The following TTN variants were observed in gnomAD, a reference collection of about 807,000 sequenced individuals.
The protein encoded by TTN is connectin.
In TTN, 1,525 loss-of-function variants were observed where a neutral mutation model predicts 3,223.0. The ratio of observed to expected loss-of-function variants is 0.47; its 90% CI spans 0.45 to 0.49. The LOEUF (loss-of-function observed/expected upper bound fraction) is 0.49. Ranked by LOEUF, TTN falls within the 20% of genes least tolerant of loss-of-function variation. TTN has a pLI of 0.00. For missense variants in TTN, 40,786 were observed against 43,424.0 expected, an observed-to-expected ratio of 0.94 and a Z score of 5.40; for synonymous variants, 14,094 against 15,161.0, an observed-to-expected ratio of 0.93 and a Z score of 5.17.
intron 333 of TTN, 30 bp downstream of exon 333, chr2:178,553,884 G>A (rs1230936535): frequency 6.4e-7 from 1 of 1,567,190 alleles, no homozygotes; most frequent in Non-Finnish European, 8.6e-7. Flanking sequence ...AGAAGACACA[G>A]GTGAAGATGC....
chr2:178,577,255 C>T lies in TTN; in HGVS notation c.69080G>A (p.Gly23027Asp), dbSNP rs780975029. The T allele has an allele frequency of 1.2e-6, 2 of 1,612,812 alleles. No homozygotes were observed. Among genetic ancestry groups the T allele is most frequent in the Non-Finnish European group, 1.7e-6 (2 of 1,179,472 alleles). Residue 23027 changes from glycine to aspartate, a missense_variant, in exon 324 of 363, where the codon GGC (glycine) becomes GAC (aspartate). By Grantham distance (94) the Gly-to-Asp change is moderately conservative. Coordinates refer to ENST00000589042, the MANE Select transcript of TTN (RefSeq NM_001267550.2). ...EYTITATNPFGTKVEHVKVTV... is the reference protein window; with the variant it reads ...EYTITATNPFDTKVEHVKVTV... ...TACCTTCACATGTTCCACCTTCGTG[C>T]CAAAAGGATTGGTAGCAGTGATGGT...
rs2087115597 is a variant in TTN at position 178,756,708 on chromosome 2, C to T, written c.10768G>A (p.Glu3590Lys). 11 of 1,613,778 alleles carry T rather than the reference C, an allele frequency of 6.8e-6. No homozygotes were observed. In the South Asian group the frequency reaches 9.9e-5, roughly 14 times the overall value. The change falls in exon 46 of 363, where the codon GAG (glutamate) becomes AAG (lysine). Residue 3590 changes from glutamate to lysine, a missense_variant. Glu to Lys is a moderately conservative substitution (Grantham distance 56). Coordinates refer to ENST00000589042, the MANE Select transcript of TTN (RefSeq NM_001267550.2). Reference sequence around the variant, plus strand: ...ATTTCCTTTTGAGATATTTTGCTCTCCTCCTTTGTGAAAGAGGAATCTGCC... The same window carrying T: ...ATTTCCTTTTGAGATATTTTGCTCTTCTCCTTTGTGAAAGAGGAATCTGCC... ...AVADSSFTKE[E>K]SKISQKEIKS... is the part of the protein sequence containing the mutation.
Position 178,622,024 on chromosome 2 carries a change from A to G in TTN, c.44914-16T>C. On this transcript the variant is annotated splice_polypyrimidine_tract_variant and intron_variant, in intron 243 of 362. Coordinates refer to ENST00000589042, the MANE Select transcript of TTN (RefSeq NM_001267550.2). ...ACCACTTAACCTATATTTAAGATAA[A>G]TAGATTATCAGTTTTCTTGTTGTTC... 3 of 1,583,758 alleles carry G rather than the reference A, an allele frequency of 1.9e-6. No individual in the cohort carries two copies. The highest frequency in any genetic ancestry group is 1.7e-6 in the Non-Finnish European group (2 of 1,163,606).
intron 201 of TTN, 30 bp from the exon 202 acceptor site, chr2:178,652,571 G>C (rs1390830882): frequency 1.9e-6 from 3 of 1,612,444 alleles, no homozygotes; most frequent in Admixed American, 1.7e-5. Flanking sequence ...ATTACATTTA[G>C]AAGTTATGAA....
chr2:178,632,441 T>C, intron 235 of TTN, 28 bp from the exon 236 acceptor site: 1 of 1,576,954 alleles, frequency 6.3e-7, no homozygotes, highest in East Asian at 2.3e-5. Flanking sequence ...AAAGAACTTA[T>C]TAATTGAAGC....
chr2:178,778,184 G>A, intron 24 of TTN: 1 of 660,208 alleles, frequency 1.5e-6, no homozygotes, highest in South Asian at 1.9e-5. Context: ...ATTTTAGCTG[G>A]TAGTCATTCA....
Position 178,615,678 on chromosome 2 carries a change from T to C in TTN, c.48423A>G (p.Ala16141=). The change falls in exon 258 of 363, where the codon GCA becomes GCG. Residue 16141 remains alanine, a synonymous_variant. Coordinates refer to ENST00000589042, the MANE Select transcript of TTN (RefSeq NM_001267550.2). ...ACATATTTACAGGTTCATCAACATATGCAGGTTCTCCAGGGCCACATTTGT... is the reference window on the plus strand; with the variant it reads ...ACATATTTACAGGTTCATCAACATACGCAGGTTCTCCAGGGCCACATTTGT... The part of the protein sequence containing the change: ...ARNKCGPGEP[A]YVDEPVNMST... The C allele has an allele frequency of 6.2e-7, 1 of 1,612,562 alleles. No homozygotes were observed. The highest frequency in any genetic ancestry group is 1.1e-5 in the South Asian group (1 of 91,026).
In TTN at chr2:178,669,392, A is replaced by G; in HGVS notation, c.35526T>C (p.Ser11842=). 1 of 1,520,740 alleles carries G rather than the reference A, an allele frequency of 6.6e-7. No homozygotes were observed. 94.2% of individuals were successfully genotyped at this position (1,520,740 alleles called of 1,614,324 possible). ...VQEEKSPIVI[S]EDTEMYIYEA... ...ACTCACTGTACATCTCTGTGTCTTC[A>G]GAAATAACAATAGGTGATTTTTCTT... The change falls in exon 159 of 363, where the codon TCT becomes TCC. Residue 11842 remains serine (S), a synonymous_variant. Transcript: ENST00000589042.
rs373665782 is a variant in TTN, at chr2:178,789,452, C to T, written c.1984G>A (p.Ala662Thr). The change falls in exon 13 of 363, where the codon GCT becomes ACT. Residue 662 changes from alanine to threonine, a missense_variant. By Grantham distance (58) the Ala-to-Thr change is moderately conservative. Transcript: ENST00000589042. The part of the protein sequence containing the change: ...EKTALSTIAV[A>T]TAKAKEQETI... Reference sequence around the variant, plus strand: ...TCTTGTTCTTTGGCTTTAGCAGTAGCAACTGCTATTGTAGACAAGGCAGTT... The same window carrying T: ...TCTTGTTCTTTGGCTTTAGCAGTAGTAACTGCTATTGTAGACAAGGCAGTT... 7 of 1,613,350 alleles carry T rather than the reference C, an allele frequency of 4.3e-6. No individual in the cohort carries two copies. The highest frequency in any genetic ancestry group is 4.2e-6 in the Non-Finnish European group (5 of 1,179,600).
At chr2:178,780,743 G>T (rs967933885) in intron 21 of TTN, among the ~76,000 whole-genome samples, 1 of 152,168 alleles carries the variant, frequency 6.6e-6, no homozygotes, top group African/African-American at 2.4e-5. Flanking sequence ...CCTGGTGCAT[G>T]CCTGGCAACA....
intron 121 of TTN, among the ~76,000 whole-genome samples, chr2:178,691,691 G>A (rs1353422090): frequency 3.9e-5 from 6 of 152,072 alleles, no homozygotes; most frequent in South Asian, 4.2e-4. Context: ...AAGGATGAAA[G>A]GTTTTTTCCT....
At position 178,739,288 on chromosome 2, in the gene TTN, T is replaced by C. The variant is rs1060500392; in HGVS notation, c.13945A>G (p.Lys4649Glu). Reference protein sequence around the residue: ...FENKLVPSDEKFKCLQDQNTY... With the variant: ...FENKLVPSDEEFKCLQDQNTY... ...TTTTGATCTTGTAAACACTTGAACTTTTCATCTGAAGGCACCAGTTTATTC... is the reference window on the plus strand; with the variant it reads ...TTTTGATCTTGTAAACACTTGAACTCTTCATCTGAAGGCACCAGTTTATTC... The change falls in exon 48 of 363, where the codon AAG (lysine) becomes GAG (glutamate). Residue 4649 changes from lysine (K) to glutamate (E), a missense_variant. Lys to Glu is a moderately conservative substitution (Grantham distance 56). Transcript: ENST00000589042. 10 of 1,612,994 alleles carry C rather than the reference T, an allele frequency of 6.2e-6. No homozygotes were observed. The highest frequency in any genetic ancestry group is 7.6e-6 in the Non-Finnish European group (9 of 1,179,238).
chr2:178,595,088 T>C (rs1307255104), intron 295 of TTN, among the ~76,000 whole-genome samples: 1 of 152,064 alleles, frequency 6.6e-6, no homozygotes, highest in African/African-American at 2.4e-5. Context: ...CTGGCCAACA[T>C]GGCAAAACCC....
Position 178,684,986 on chromosome 2 carries a change from G to C in TTN, c.32474C>G (p.Pro10825Arg), listed in dbSNP as rs1312218348. 6.3e-7 allele frequency: 1 copy of C among 1,599,490 alleles called. No individual in the cohort carries two copies. Among genetic ancestry groups the C allele is most frequent in the East Asian group, 2.2e-5 (1 of 44,724 alleles). The change falls in exon 130 of 363, where the codon CCT (proline) becomes CGT (arginine). Residue 10825 changes from proline to arginine, a missense_variant. By Grantham distance (103) the Pro-to-Arg change is moderately radical. Coordinates refer to ENST00000589042, the MANE Select transcript of TTN (RefSeq NM_001267550.2). The stretch of plus-strand genomic sequence containing the variant: ...TGGCACAATTTTCTTAGGTGCTTCA[G>C]GAACTTTAGAAAGATTAGGTTTAAG... The part of the protein sequence containing the change: ...KIEEPPPAKV[P>R]EAPKKIVPEK...
intron 106 of TTN, 37 bp downstream of exon 106, chr2:178,704,110 T>C (rs771921177): frequency 1.2e-6 from 2 of 1,605,420 alleles, no homozygotes; most frequent in Non-Finnish European, 1.7e-6. Flanking sequence ...CATTGACCTA[T>C]GCTGTACCCA....
intron 3 of TTN, 111 bp downstream of exon 3, chr2:178,802,027 A>C: frequency 7.6e-7 from 1 of 1,315,534 alleles, no homozygotes; most frequent in Non-Finnish European, 1.1e-6. Flanking sequence ...ACCCTTCTGT[A>C]GTTTAAGAGC....
Position 178,584,928 on chromosome 2 carries a change from A to G in TTN, c.64713T>C (p.Asp21571=). 1 of 1,613,300 alleles carries G rather than the reference A, an allele frequency of 6.2e-7. No homozygotes were observed. ...GPPQPPFDIS[D]IDADACSLSW... Reference sequence around the variant, plus strand: ...ACAGGGAGCAAGCATCAGCGTCTATATCAGAAATGTCAAATGGAGGCTGAG... The same window carrying G: ...ACAGGGAGCAAGCATCAGCGTCTATGTCAGAAATGTCAAATGGAGGCTGAG... The change falls in exon 310 of 363, where the codon GAT becomes GAC. Residue 21571 remains aspartate, a synonymous_variant. Transcript: ENST00000589042.
chr2:178,608,013 G>A lies in TTN; in HGVS notation c.52774C>T (p.Pro17592Ser). ...SSTTIELEWE[P>S]PAFNGGGEIV... ...TCCCCACCACCATTGAAAGCTGGGG[G>A]TTCCCATTCTAGTTCAATAGTTGTA... The change falls in exon 276 of 363, where the codon CCC (proline) becomes TCC (serine). Residue 17592 changes from proline to serine, a missense_variant. Transcript: ENST00000589042. 1 of 1,612,850 alleles carries A rather than the reference G, an allele frequency of 6.2e-7. No individual in the cohort carries two copies.
Position 178,537,015 on chromosome 2 carries a change from C to T in TTN, c.100094G>A (p.Arg33365Gln), listed in dbSNP as rs55742743. 29,937 of 1,613,248 alleles carry T rather than the reference C, an allele frequency of 0.019. 315 individuals carry two copies. The highest frequency in any genetic ancestry group is 0.022 in the Non-Finnish European group (26,478 of 1,179,550). The change falls in exon 356 of 363, where the codon CGG becomes CAG. Residue 33365 changes from arginine to glutamine, a missense_variant. Arg to Gln is a conservative substitution (Grantham distance 43). Coordinates refer to ENST00000589042, the MANE Select transcript of TTN (RefSeq NM_001267550.2). ...GCCGAAAGTGTTCTGAGCTGAAACC[C>T]GGAAGTAATAGCCAGCATTTTCTGT... is the stretch of plus-strand genomic sequence containing the variant. ...NLTENAGYYF[R>Q]VSAQNTFGIS...
Sources: gnomAD v4.1 joint callset for allele counts (sites outside exome capture counted in the v4.1 genomes callset) on GRCh38, gnomAD v4.1.1 for gene constraint, MANE v1.5 for transcripts, NCBI Gene and HGNC (gene_info 2026-07-23, HGNC 2026-07-21) for gene names.